ADAM7: variants seen among roughly 807,000 people sequenced by gnomAD.
The protein encoded by ADAM7 is disintegrin and metalloproteinase domain-containing protein 7.
A neutral mutation model predicts 102.9 loss-of-function variants in ADAM7; 97 were observed. The ratio of observed to expected loss-of-function variants is 0.94; its 90% CI spans 0.80 to 1.12. The LOEUF (loss-of-function observed/expected upper bound fraction) is 1.12. Among genes scored for constraint, ADAM7 ranks in the 50% most tolerant of loss-of-function variants. ADAM7 has a pLI of 0.00. For missense variants in ADAM7, 991 were observed against 908.7 expected (o/e 1.09, Z -1.16); for synonymous variants, 334 against 304.4 (o/e 1.10, Z -1.01).
chr8:24,506,264 C>A, intron 20 of ADAM7: 1 of 874,944 alleles, frequency 1.1e-6, no homozygotes, highest in Non-Finnish European at 1.8e-6. Context: ...AATAATATAA[C>A]ATCGATAGCT....
At position 24,466,756 on chromosome 8, in the gene ADAM7, A is replaced by G. The variant is rs376519230; in HGVS notation, c.390-43A>G. 169 of 1,551,852 alleles carry G rather than the reference A, an allele frequency of 1.1e-4. 2 individuals are homozygous for G. In the African/African-American group the frequency reaches 1.9e-3, roughly 18 times the overall value. ...CAAAGTCAATACAATGAAATAGAGTAATTATAGGCCTTGAATACAAATTGT... is the reference window on the plus strand; with the variant it reads ...CAAAGTCAATACAATGAAATAGAGTGATTATAGGCCTTGAATACAAATTGT... On this transcript the variant is annotated intron_variant, in intron 5 of 21. Coordinates refer to ENST00000175238, the MANE Select transcript of ADAM7 (RefSeq NM_003817.4).
rs1213637940 is a variant in ADAM7, at chr8:24,499,295, C to T, written c.1902C>T (p.Pro634=). ...AGGTCTATATCTCAACCAATTGCCC[C>T]TCTCAGTGCAATGAAAATCCTGTAA... ...MEKVYISTNC[P]SQCNENPVDG... is the part of the protein sequence containing the mutation. The change falls in exon 17 of 22, where the codon CCC becomes CCT. Residue 634 remains proline (P), a synonymous_variant. Transcript: ENST00000175238. 2 of 1,606,278 alleles carry T rather than the reference C, an allele frequency of 1.2e-6. No individual in the cohort carries two copies. Among genetic ancestry groups the T allele is most frequent in the East Asian group, 2.3e-5 (1 of 44,368 alleles).
intron 7 of ADAM7, among the ~76,000 whole-genome samples, chr8:24,472,711 T>A (rs1368972969): frequency 6.6e-6 from 1 of 151,678 alleles, no homozygotes; most frequent in Admixed American, 6.6e-5. Context: ...CAAAACAATA[T>A]AAATCCAAAG....
chr8:24,452,478 C>T (rs1292055000), intron 3 of ADAM7, among the ~76,000 whole-genome samples: 4 of 151,522 alleles, frequency 2.6e-5, no homozygotes, highest in African/African-American at 9.7e-5. Context: ...GCAACCCCTG[C>T]CTTTTTTTGT....
intron 3 of ADAM7, among the ~76,000 whole-genome samples, chr8:24,463,023 A>C (rs1313141209): frequency 6.6e-6 from 1 of 152,224 alleles, no homozygotes; most frequent in Non-Finnish European, 1.5e-5. Flanking sequence ...AGAACATGTA[A>C]TAGCAGCCAC....
chr8:24,506,741 G>T (rs999083591), intron 20 of ADAM7, among the ~76,000 whole-genome samples: 1 of 139,932 alleles, frequency 7.1e-6, no homozygotes, highest in African/African-American at 2.7e-5. Context: ...ATGCATTAGA[G>T]ACTGAGTCAA....
chr8:24,456,939 T>C (rs1451692054), intron 3 of ADAM7, among the ~76,000 whole-genome samples: 1 of 152,164 alleles, frequency 6.6e-6, no homozygotes, highest in African/African-American at 2.4e-5. Context: ...TTTATAAACA[T>C]ATGTTTTCAT....
At chr8:24,481,843 A>T (rs1182728439) in intron 8 of ADAM7, among the ~76,000 whole-genome samples, 1 of 152,172 alleles carries the variant, frequency 6.6e-6, no homozygotes, top group African/African-American at 2.4e-5. Flanking sequence ...CTAAATTCAG[A>T]ACTTTAATAC....
chr8:24,483,047 C>A (rs558094326), intron 9 of ADAM7, among the ~76,000 whole-genome samples: 1 of 152,260 alleles, frequency 6.6e-6, no homozygotes, highest in Non-Finnish European at 1.5e-5. Context: ...TGGTGGCCAG[C>A]CCTTCAATAC....
intron 3 of ADAM7, among the ~76,000 whole-genome samples, chr8:24,457,518 C>T (rs913215332): frequency 4.3e-4 from 66 of 152,194 alleles, no homozygotes; most frequent in African/African-American, 1.6e-3. Flanking sequence ...TCAGGCAATC[C>T]ACCCGCCTTG....
At chr8:24,461,344 T>C (rs980991449) in intron 3 of ADAM7, among the ~76,000 whole-genome samples, 1 of 152,182 alleles carries the variant, frequency 6.6e-6, no homozygotes, top group Non-Finnish European at 1.5e-5. Context: ...TCTCCTCTTC[T>C]GGCTCACATA....
Position 24,501,499 on chromosome 8 carries a change from G to A in ADAM7, c.2131G>A (p.Val711Met), listed in dbSNP as rs760407122. 6.2e-7 allele frequency: 1 copy of A among 1,608,016 alleles called. No homozygotes were observed. Among genetic ancestry groups the A allele is most frequent in the Non-Finnish European group, 8.5e-7 (1 of 1,177,954 alleles). The change falls in exon 20 of 22, where the codon GTG becomes ATG. Residue 711 changes from valine to methionine, a missense_variant. Transcript: ENST00000175238. The part of the protein sequence containing the change: ...VQSPPTETLG[V>M]ENKGYFGDEQ... ...CAGCCCACCTACAGAAACCCTGGGA[G>A]TGGAGAACAAAGGATACTTTGGTGA...
intron 2 of ADAM7, 104 bp downstream of exon 2, chr8:24,442,680 T>A (rs886457041): frequency 4.4e-6 from 4 of 902,722 alleles, no homozygotes; most frequent in Middle Eastern, 2.2e-4. Flanking sequence ...GAGTTTCAAT[T>A]TTTCTAAGGA....
At chr8:24,483,772 C>T (rs1471003627) in intron 9 of ADAM7, among the ~76,000 whole-genome samples, 1 of 152,092 alleles carries the variant, frequency 6.6e-6, no homozygotes, top group Non-Finnish European at 1.5e-5. Context: ...AACTCCTTTG[C>T]CCTCTCTTTA....
chr8:24,500,992 A>G, intron 19 of ADAM7, 97 bp downstream of exon 19: 2 of 999,710 alleles, frequency 2.0e-6, no homozygotes, highest in Non-Finnish European at 3.0e-6. Flanking sequence ...GGGAAGTATA[A>G]GCTTCTTACT....
In ADAM7 at chr8:24,484,938, T is replaced by A. The variant is rs963496735; in HGVS notation, c.876-339T>A. On this transcript the variant is annotated intron_variant, in intron 9 of 21. Coordinates refer to ENST00000175238, the MANE Select transcript of ADAM7 (RefSeq NM_003817.4). The stretch of plus-strand genomic sequence containing the variant: ...CTCCTACCTCAGCCTCCCAAGTACC[T>A]GGGACTACAGGTGTGCACCACCATG... 2.6e-4 allele frequency among the ~76,000 whole-genome samples: 39 copies of A among 151,788 alleles called. 1 individual carries two copies. Among genetic ancestry groups the A allele is most frequent in the Middle Eastern group, 3.4e-3 (1 of 294 alleles).
At chr8:24,481,158 G>A (rs958081273) in intron 8 of ADAM7, among the ~76,000 whole-genome samples, 1 of 152,130 alleles carries the variant, frequency 6.6e-6, no homozygotes, top group African/African-American at 2.4e-5. Flanking sequence ...TGAAGTCAGA[G>A]TTTGACTACA....
intron 8 of ADAM7, 31 bp downstream of exon 8, chr8:24,476,535 C>T (rs768626890): frequency 1.9e-6 from 3 of 1,540,394 alleles, no homozygotes; most frequent in Non-Finnish European, 2.7e-6. Context: ...TGAATCAAGC[C>T]AATAATACGA....
intron 2 of ADAM7, among the ~76,000 whole-genome samples, chr8:24,443,652 T>A (rs1049617660): frequency 2.0e-5 from 3 of 152,088 alleles, no homozygotes; most frequent in African/African-American, 7.2e-5. Flanking sequence ...AAAAATCTCA[T>A]TATGGCTGGG....
Sources: gnomAD v4.1 joint callset for allele counts (sites outside exome capture counted in the v4.1 genomes callset) on GRCh38, gnomAD v4.1.1 for gene constraint, MANE v1.5 for transcripts, NCBI Gene and HGNC (gene_info 2026-07-23, HGNC 2026-07-21) for gene names.